Variants in TBL1XR1 observed in about 807,000 individuals in gnomAD.
TBL1XR1 encodes the protein TBL1X/Y related 1.
Under a neutral mutation model 66.9 loss-of-function variants are expected in TBL1XR1, and 5 were observed. That is an observed-to-expected ratio of 0.07 (90% CI 0.04 to 0.16). The LOEUF (loss-of-function observed/expected upper bound fraction) is 0.16, where lower values mean the gene tolerates loss of function less well. Ranked by LOEUF, TBL1XR1 falls within the 10% of genes least tolerant of loss-of-function variation. The pLI is 1.00. For synonymous variants in TBL1XR1, 210 were observed against 206.0 expected (o/e 1.02, Z -0.17); for missense variants, 238 against 623.2 (o/e 0.38, Z 6.58).
intron 1 of TBL1XR1, among the ~76,000 whole-genome samples, chr3:177,174,639 A>T (rs564497209): frequency 6.6e-6 from 1 of 151,796 alleles, no homozygotes; most frequent in South Asian, 2.1e-4. Context: ...TTTCAATACC[A>T]CTCTCTTATG....
At chr3:177,117,232 G>T (rs1315929717) in intron 1 of TBL1XR1, among the ~76,000 whole-genome samples, 1 of 152,144 alleles carries the variant, frequency 6.6e-6, no homozygotes, top group Non-Finnish European at 1.5e-5. Context: ...ACAAACATCA[G>T]TCTAGTATTA....
upstream of TBL1XR1, among the ~76,000 whole-genome samples, chr3:177,198,049 G>GT (rs1328802737): frequency 6.6e-6 from 1 of 152,008 alleles, no homozygotes; most frequent in African/African-American, 2.4e-5. Flanking sequence ...CGGCGGGCAT[G>GT]TGGGGGAGTG....
upstream of TBL1XR1, among the ~76,000 whole-genome samples, chr3:177,197,843 G>T (rs1446216129): frequency 6.8e-6 from 1 of 147,616 alleles, no homozygotes; most frequent in Non-Finnish European, 1.5e-5. Context: ...GGGGCCCCGG[G>T]CCGCCCGCCC....
intron 1 of TBL1XR1, among the ~76,000 whole-genome samples, chr3:177,124,130 CATA>C (rs928710409): frequency 6.6e-6 from 1 of 151,966 alleles, no homozygotes; most frequent in Non-Finnish European, 1.5e-5. Context: ...CAGGGTAAGG[CATA>C]ATAACATTAG....
Position 177,126,793 on chromosome 3 carries a change from G to C in TBL1XR1, c.-121-28252C>G, listed in dbSNP as rs543527641. On this transcript the variant is annotated intron_variant, in intron 1 of 15. Transcript: ENST00000457928. ...AAATAATTAAAATCAATATATCCTT[G>C]ATTTCATCCCCCATTTTCAGCCAAA... Among the ~76,000 whole-genome samples the C allele has an allele frequency of 1.4e-4, 18 of 129,766 alleles. No homozygotes were observed. The South Asian group carries it at 2.6e-3, about 18-fold the overall frequency. The allele number at this position is 129,766 out of a possible 152,430, so 85.1% of individuals were successfully genotyped here.
At chr3:177,031,334 A>G (rs1713968489) in intron 14 of TBL1XR1, among the ~76,000 whole-genome samples, 1 of 151,418 alleles carries the variant, frequency 6.6e-6, no homozygotes, top group African/African-American at 2.4e-5. Context: ...TTTTTACTTA[A>G]TTTTTATTTT....
rs1905503 is a variant in TBL1XR1, at chr3:177,034,414, A to T, written c.1123-89T>A. ...TTTTGACACTTAAAATATTATATGG[A>T]CAGTCTAAAACATGAGTGATATAAC... is the stretch of plus-strand genomic sequence containing the variant. On this transcript the variant is annotated intron_variant, in intron 12 of 15. Transcript: ENST00000457928. 206,256 of 901,750 alleles carry T rather than the reference A, an allele frequency of 0.23. 24,682 individuals carry two copies. The highest frequency in any genetic ancestry group is 0.45 in the East Asian group (14,905 of 33,218). The allele number at this position is 901,750 out of a possible 1,614,324, so 55.9% of individuals were successfully genotyped here. A position where few individuals can be genotyped will look rare whatever the true frequency, so the allele number is the denominator to read the frequency against.
intron 12 of TBL1XR1, among the ~76,000 whole-genome samples, chr3:177,034,829 C>CA (rs1334477373): frequency 6.6e-6 from 1 of 151,170 alleles, no homozygotes; most frequent in African/African-American, 2.4e-5. Flanking sequence ...AAAAAGTAGT[C>CA]AAAGTAGAGA....
At position 177,076,292 on chromosome 3, in the gene TBL1XR1, G is replaced by A. The variant is rs373103169; in HGVS notation, c.-45-11270C>T. ...ACATAAATTTTGGAGGGACAAATTC[G>A]GACCATAGAGCTTGGCTTGTAGACA... On this transcript the variant is annotated intron_variant, in intron 2 of 15. Coordinates refer to ENST00000457928, the MANE Select transcript of TBL1XR1 (RefSeq NM_024665.7). Among the ~76,000 whole-genome samples the A allele has an allele frequency of 1.1e-4, 17 of 152,234 alleles. No individual in the cohort carries two copies. The South Asian group carries it at 1.7e-3, about 15-fold the overall frequency.
chr3:177,041,046 A>G (rs986856259), intron 10 of TBL1XR1: 4 of 152,244 alleles, frequency 2.6e-5, no homozygotes, highest in African/African-American at 9.6e-5. Context: ...AATTCCCAAC[A>G]AAGTAAACAT....
In TBL1XR1 at chr3:177,112,088, TATATATATATATATA is replaced by T. The variant is rs1195137509; in HGVS notation, c.-121-13562_-121-13548del. Among the ~76,000 whole-genome samples, 199 of 51,342 alleles carry T rather than the reference TATATATATATATATA, an allele frequency of 3.9e-3. 7 individuals are homozygous for T. The highest frequency in any genetic ancestry group is 8.2e-3 in the South Asian group (14 of 1,710). The allele number at this position is 51,342 out of a possible 152,430, so 33.7% of individuals were successfully genotyped here. A position where few individuals can be genotyped will look rare whatever the true frequency, so the allele number is the denominator to read the frequency against. On this transcript the variant is annotated intron_variant, in intron 1 of 15. Coordinates refer to ENST00000457928, the MANE Select transcript of TBL1XR1 (RefSeq NM_024665.7). ...ATATAAAATCAAATATATATATATATATATATATATATATATATATTTTTTTTTTTTTTTTTTGTG... is the reference window on the plus strand; with the variant it reads ...ATATAAAATCAAATATATATATATATTATATTTTTTTTTTTTTTTTTTGTG...
At chr3:177,058,144 C>CAAAGCTTAAATAT (rs887907838) in intron 3 of TBL1XR1, among the ~76,000 whole-genome samples, 4 of 152,092 alleles carry the variant, frequency 2.6e-5, no homozygotes, top group African/African-American at 9.7e-5. Context: ...GTAAAAAAGG[C>CAAAGCTTAAATAT]AAAGCTTAAA....
upstream of TBL1XR1, among the ~76,000 whole-genome samples, chr3:177,199,662 C>A (rs1489738641): frequency 2.0e-5 from 3 of 152,014 alleles, no homozygotes; most frequent in Non-Finnish European, 4.4e-5. Context: ...TAAATGACTT[C>A]TATCCCTTAT....
chr3:177,121,518 T>C (rs1726972152), intron 1 of TBL1XR1, among the ~76,000 whole-genome samples: 1 of 152,166 alleles, frequency 6.6e-6, no homozygotes, highest in African/African-American at 2.4e-5. Context: ...TTAGCCTCCC[T>C]TCCAAACAAT....
At chr3:177,180,186 G>C (rs1350968232) in intron 1 of TBL1XR1, among the ~76,000 whole-genome samples, 1 of 143,490 alleles carries the variant, frequency 7.0e-6, no homozygotes, top group African/African-American at 2.6e-5. Flanking sequence ...GCAGTGAGCT[G>C]AGATCGTGTC....
At chr3:177,043,578 T>C (rs1715903090) in intron 10 of TBL1XR1, among the ~76,000 whole-genome samples, 1 of 152,180 alleles carries the variant, frequency 6.6e-6, no homozygotes, top group Non-Finnish European at 1.5e-5. Flanking sequence ...ATTTTCAGCC[T>C]ATTGATATTT....
At chr3:177,153,675 G>A (rs890785422) in intron 1 of TBL1XR1, among the ~76,000 whole-genome samples, 2 of 152,198 alleles carry the variant, frequency 1.3e-5, no homozygotes, top group Non-Finnish European at 2.9e-5. Context: ...ATCACCTGAC[G>A]TCAGGAGTTT....
intron 1 of TBL1XR1, among the ~76,000 whole-genome samples, chr3:177,171,702 CA>C (rs34278942): frequency 5.3e-3 from 251 of 47,258 alleles, no homozygotes; most frequent in Middle Eastern, 0.04. Flanking sequence ...GACTCCGTCT[CA>C]AAAAAAAAAA....
chr3:177,073,480 TAA>T (rs1370233110), intron 2 of TBL1XR1, among the ~76,000 whole-genome samples: 1 of 152,222 alleles, frequency 6.6e-6, no homozygotes, highest in Non-Finnish European at 1.5e-5. Flanking sequence ...TGGCATCTAC[TAA>T]CTCTAAAACA....
Sources: gnomAD v4.1 joint callset for allele counts (sites outside exome capture counted in the v4.1 genomes callset) on GRCh38, gnomAD v4.1.1 for gene constraint, MANE v1.5 for transcripts, NCBI Gene and HGNC (gene_info 2026-07-23, HGNC 2026-07-21) for gene names.